The following CDK11A variants were observed in gnomAD, a reference collection of about 807,000 sequenced individuals.
The protein encoded by CDK11A is cyclin-dependent kinase 11A.
A neutral mutation model predicts 83.6 loss-of-function variants in CDK11A; 55 were observed. The ratio of observed to expected loss-of-function variants is 0.66; its 90% CI spans 0.53 to 0.82. The LOEUF (loss-of-function observed/expected upper bound fraction) is 0.82. Ranked by LOEUF, CDK11A falls within the 40% of genes least tolerant of loss-of-function variation. The pLI, the probability that CDK11A is intolerant of heterozygous loss-of-function variation, is 0.00. For missense variants in CDK11A, 564 were observed against 810.1 expected (o/e 0.70, Z 3.69); for synonymous variants, 247 against 302.7 (o/e 0.82, Z 1.91).
chr1:1,719,684 C>T (rs1214143027), intron 3 of CDK11A, among the ~76,000 whole-genome samples: 1 of 105,262 alleles, frequency 9.5e-6, no homozygotes, highest in African/African-American at 3.5e-5. Flanking sequence ...CACGCGATCT[C>T]GGATCACTGC....
At chr1:1,704,004 G>A in intron 16 of CDK11A, 35 bp downstream of exon 16, 3 of 1,603,426 alleles carry the variant, frequency 1.9e-6, no homozygotes, top group East Asian at 2.2e-5. Flanking sequence ...GGCTGCATGG[G>A]GGACAGGGGA....
At chr1:1,719,152 C>A in intron 4 of CDK11A, 176 bp downstream of exon 4, 1 of 457,240 alleles carries the variant, frequency 2.2e-6, no homozygotes, top group Non-Finnish European at 3.7e-6. Context: ...GTGACACATG[C>A]ATGCTTTCAG....
intron 11 of CDK11A, 140 bp from the exon 12 acceptor site, chr1:1,705,872 G>A: frequency 2.5e-6 from 1 of 399,312 alleles, no homozygotes; most frequent in East Asian, 3.5e-5. Flanking sequence ...GGAGCTGGGA[G>A]CAGCTCAGTT....
intron 1 of CDK11A, among the ~76,000 whole-genome samples, chr1:1,723,476 A>C (rs1332117454): frequency 0.044 from 1,578 of 35,578 alleles, 88 homozygotes; most frequent in African/African-American, 0.091. Context: ...GCACTCCAGC[A>C]AGACCCCGTC....
In CDK11A at chr1:1,721,628, G is replaced by A. The variant is rs1644910403; in HGVS notation, c.195C>T (p.Ser65=). The change falls in exon 3 of 20, where the codon TCC becomes TCT. Residue 65 remains serine (S), a synonymous_variant. Coordinates refer to ENST00000404249, the MANE Select transcript of CDK11A (RefSeq NM_024011.4). ...CCATTGAGTCTTCTCTTCTATACGG[G>A]GAGTTCCTTATTGTGATCTCCATGC... ...DHCMEITIRN[S]PYRREDSMED... 1.2e-6 allele frequency: 2 copies of A among 1,607,412 alleles called. No homozygotes were observed. The highest frequency in any genetic ancestry group is 2.2e-5 in the South Asian group (2 of 90,686).
At chr1:1,716,770 G>A (rs1256262719) in intron 4 of CDK11A, among the ~76,000 whole-genome samples, 6 of 136,850 alleles carry the variant, frequency 4.4e-5, no homozygotes, top group African/African-American at 1.4e-4. Flanking sequence ...AGCCGAGATC[G>A]TGCCACTGCA....
chr1:1,710,658 G>A lies in CDK11A; in HGVS notation c.626-1018C>T, dbSNP rs1041349489. Among the ~76,000 whole-genome samples the A allele has an allele frequency of 1.4e-4, 21 of 150,586 alleles. No individual in the cohort carries two copies. In the South Asian group the frequency reaches 1.5e-3, roughly 11 times the overall value. ...ACACGGTTCCTGAAAATCACCTGACGGTAGATGTCCCAGACAAAGATTTTA... is the reference window on the plus strand; with the variant it reads ...ACACGGTTCCTGAAAATCACCTGACAGTAGATGTCCCAGACAAAGATTTTA... On this transcript the variant is annotated intron_variant, in intron 6 of 19. Coordinates refer to ENST00000404249, the MANE Select transcript of CDK11A (RefSeq NM_024011.4).
intron 13 of CDK11A, 46 bp from the exon 14 acceptor site, chr1:1,704,701 C>T: frequency 6.3e-7 from 1 of 1,596,056 alleles, no homozygotes; most frequent in Non-Finnish European, 8.5e-7. Flanking sequence ...CAGGCCCCCA[C>T]CCACCCCTGC....
chr1:1,718,958 T>C lies in CDK11A; in HGVS notation c.355+370A>G, dbSNP rs559325744. On this transcript the variant is annotated intron_variant, in intron 4 of 19. Coordinates refer to ENST00000404249, the MANE Select transcript of CDK11A (RefSeq NM_024011.4). ...GCCTTCAGCTAGAGTATTCTCTCTA[T>C]AGCCCTTCTGAATGGTCTGTGACAC... 9.7e-4 allele frequency among the ~76,000 whole-genome samples: 146 copies of C among 151,168 alleles called. 4 individuals carry two copies. Among genetic ancestry groups the C allele is most frequent in the African/African-American group, 3.4e-3 (139 of 41,206 alleles).
At chr1:1,723,336 C>T (rs1484300080) in intron 1 of CDK11A, among the ~76,000 whole-genome samples, 5 of 57,426 alleles carry the variant, frequency 8.7e-5, no homozygotes, top group African/African-American at 2.0e-4. Context: ...AACCCTGTCT[C>T]CACTAAAAAT....
rs527915790 is a variant in CDK11A, at chr1:1,716,417, C to G, written c.417G>C (p.Gln139His). The G allele has an allele frequency of 1.6e-5, 26 of 1,608,604 alleles. 1 individual carries two copies. In the South Asian group the frequency reaches 2.4e-4, roughly 15 times the overall value. Residue 139 changes from glutamine to histidine, a missense_variant, in exon 5 of 20, where the codon CAG becomes CAC. Gln to His is a conservative substitution (Grantham distance 24). Around this residue, in one of 5 missense-constraint regions of CDK11A, gnomAD observed 151 missense variants for 147.4 expected, o/e 1.02. Coordinates refer to ENST00000404249, the MANE Select transcript of CDK11A (RefSeq NM_024011.4). ...TTTCCCATTCCCGGCGAGCTTTATC[C>G]TGTTCTTCTCGATGTCGTTTCCGAC... ...HERRKRHREE[Q>H]DKARREWERQ...
intron 3 of CDK11A, among the ~76,000 whole-genome samples, chr1:1,720,922 G>T (rs1644881575): frequency 6.6e-6 from 1 of 151,138 alleles, no homozygotes. Context: ...AACCTCAATA[G>T]TTGTAACAGC....
chr1:1,723,235 TAAAAAAA>T (rs1164936993), intron 1 of CDK11A, among the ~76,000 whole-genome samples: 28 of 49,328 alleles, frequency 5.7e-4, no homozygotes, highest in African/African-American at 1.9e-3. Flanking sequence ...AAGACTTGGT[TAAAAAAA>T]AAAAAAAAAA....
intron 12 of CDK11A, 129 bp from the exon 13 acceptor site, chr1:1,705,154 G>C: frequency 7.4e-7 from 1 of 1,352,458 alleles, no homozygotes. Flanking sequence ...TCTCGTTCTA[G>C]GTGGGGGCAC....
At chr1:1,720,192 T>G (rs12135951) in intron 3 of CDK11A, among the ~76,000 whole-genome samples, 59,540 of 149,020 alleles carry the variant, frequency 0.4, 15,133 homozygotes, top group Non-Finnish European at 0.53. Flanking sequence ...CCTCCTGGGT[T>G]CATGCCATTC....
chr1:1,704,846 C>G (rs572240156), intron 13 of CDK11A, 58 bp downstream of exon 13: 7 of 1,607,138 alleles, frequency 4.4e-6, no homozygotes, highest in Non-Finnish European at 6.0e-6. Flanking sequence ...CAGGACAGCA[C>G]GGGGCCCTGT....
At chr1:1,707,713 T>C in intron 10 of CDK11A, 129 bp from the exon 11 acceptor site, 1 of 948,476 alleles carries the variant, frequency 1.1e-6, no homozygotes, top group Middle Eastern at 3.3e-4. Context: ...CGCTGGGCTC[T>C]CGTCCCCTGG....
In CDK11A at chr1:1,702,434, A is replaced by G. The variant is rs1218427014; in HGVS notation, c.*473T>C. The stretch of plus-strand genomic sequence containing the variant: ...TTTAAAACTCAACAACCTTGTATAA[A>G]AACCTGTCGAGTCTGCTGGCACAGC... On this transcript the variant is annotated 3_prime_UTR_variant, in exon 20 of 20. Transcript: ENST00000404249. Among the ~76,000 whole-genome samples the G allele has an allele frequency of 9.1e-6, 1 of 110,426 alleles. No homozygotes were observed. The highest frequency in any genetic ancestry group is 2.0e-5 in the Non-Finnish European group (1 of 49,622). 72.4% of individuals were successfully genotyped at this position (110,426 alleles called of 152,430 possible). A position where few individuals can be genotyped will look rare whatever the true frequency, so the allele number is the denominator to read the frequency against.
At chr1:1,716,533 G>T (rs1330094670) in intron 4 of CDK11A, 55 bp from the exon 5 acceptor site, 1 of 1,568,186 alleles carries the variant, frequency 6.4e-7, no homozygotes. Context: ...ATTTCACGAG[G>T]CCGGGCACGG....
Sources: allele counts gnomAD v4.1 joint callset (sites outside exome capture counted in the v4.1 genomes callset), GRCh38; gene constraint gnomAD v4.1.1; regional missense constraint gnomAD v4.1.1; transcripts MANE v1.5; gene names NCBI Gene and HGNC (gene_info 2026-07-23, HGNC 2026-07-21).